Variants in KLHL7 observed in about 807,000 individuals in gnomAD.
The protein encoded by KLHL7 is kelch like family member 7.
Under a neutral mutation model 67.4 loss-of-function variants are expected in KLHL7, and 44 were observed. The observed-to-expected ratio is 0.65, with a 90% CI of 0.51 to 0.84. The LOEUF (loss-of-function observed/expected upper bound fraction) is 0.84. Among genes scored for constraint, KLHL7 ranks in the 40% least tolerant of loss-of-function variants. The pLI, the probability that KLHL7 is intolerant of heterozygous loss-of-function variation, is 0.00. For synonymous variants in KLHL7, 252 were observed against 243.3 expected, an observed-to-expected ratio of 1.04 and a Z score of -0.33; for missense variants, 362 against 718.1, an observed-to-expected ratio of 0.50 and a Z score of 5.67.
intron 8 of KLHL7, among the ~76,000 whole-genome samples, chr7:23,166,781 A>G (rs1188078924): frequency 1.3e-5 from 2 of 152,180 alleles, no homozygotes; most frequent in African/African-American, 4.8e-5. Flanking sequence ...TAAAGATGAT[A>G]GACGGTAACT....
At chr7:23,109,527 G>C (rs1414718104) in intron 1 of KLHL7, among the ~76,000 whole-genome samples, 1 of 152,202 alleles carries the variant, frequency 6.6e-6, no homozygotes, top group Non-Finnish European at 1.5e-5. Flanking sequence ...ACTGGAACTT[G>C]AAAGCTTATG....
rs1784555118 is a variant in KLHL7, at chr7:23,152,105, G to T, written c.832G>T (p.Glu278Ter). ...CCATCTACTGTCTCCAGAGGACCGAGAAGAACTTGTAGATGGCACAAGACC... is the reference window on the plus strand; with the variant it reads ...CCATCTACTGTCTCCAGAGGACCGATAAGAACTTGTAGATGGCACAAGACC... ...RYHLLSPEDR[E>*]ELVDGTRPRR... The change falls in exon 7 of 11, where the codon GAA becomes TAA. Residue 278 changes from glutamate (E) to a stop codon, truncating the protein, a stop_gained. Coordinates refer to ENST00000339077, the MANE Select transcript of KLHL7 (RefSeq NM_001031710.3). LOFTEE classifies it high-confidence loss of function. The T allele has an allele frequency of 6.2e-7, 1 of 1,613,820 alleles. No individual in the cohort carries two copies. Among genetic ancestry groups the T allele is most frequent in the Admixed American group, 1.7e-5 (1 of 60,004 alleles).
intron 4 of KLHL7, among the ~76,000 whole-genome samples, chr7:23,140,339 G>A (rs1467148453): frequency 6.6e-6 from 1 of 152,176 alleles, no homozygotes; most frequent in Non-Finnish European, 1.5e-5. Flanking sequence ...CGGATCACGA[G>A]GTCAGGAGAT....
In KLHL7 at chr7:23,118,944, C is replaced by T. The variant is rs1158152481; in HGVS notation, c.121-4833C>T. Among the ~76,000 whole-genome samples, 6 of 152,104 alleles carry T rather than the reference C, an allele frequency of 3.9e-5. No homozygotes were observed. In the South Asian group the frequency reaches 1.2e-3, roughly 32 times the overall value. On this transcript the variant is annotated intron_variant, in intron 1 of 10. Transcript: ENST00000339077. Reference sequence around the variant, plus strand: ...AAAATTAGCCAGGCATGGTGGTACACGCCTGTGGTCCCAGCTACTTGGGAC... The same window carrying T: ...AAAATTAGCCAGGCATGGTGGTACATGCCTGTGGTCCCAGCTACTTGGGAC...
At chr7:23,165,969 G>A (rs756815398) in intron 8 of KLHL7, 31 bp downstream of exon 8, 22 of 1,612,598 alleles carry the variant, frequency 1.4e-5, no homozygotes, top group African/African-American at 2.7e-5. Flanking sequence ...TTGGTTTGGG[G>A]CATATGCTTT....
At chr7:23,134,452 G>A (rs552194304) in intron 4 of KLHL7, among the ~76,000 whole-genome samples, 2 of 152,252 alleles carry the variant, frequency 1.3e-5, no homozygotes, top group South Asian at 2.1e-4. Flanking sequence ...TGGTATTAGG[G>A]TAATGCTGGC....
Position 23,175,762 on chromosome 7 carries a change from A to AC in KLHL7, c.*1466dup, listed in dbSNP as rs1205545226. Reference sequence around the variant, plus strand: ...GATCATTTGAGGTCAGCAGTTCAAGACCACCCTGGCCAACATGATGAGACC... The same window carrying AC: ...GATCATTTGAGGTCAGCAGTTCAAGACCCACCCTGGCCAACATGATGAGACC... On this transcript the variant is annotated 3_prime_UTR_variant, in exon 11 of 11. Coordinates refer to ENST00000339077, the MANE Select transcript of KLHL7 (RefSeq NM_001031710.3). 5.6e-6 allele frequency: 1 copy of AC among 179,076 alleles called. No individual in the cohort carries two copies. Among genetic ancestry groups the AC allele is most frequent in the Non-Finnish European group, 1.2e-5 (1 of 85,128 alleles). The allele number at this position is 179,076 out of a possible 1,614,324, so 11.1% of individuals were successfully genotyped here. A position where few individuals can be genotyped will look rare whatever the true frequency, so the allele number is the denominator to read the frequency against.
chr7:23,112,533 TAGG>T (rs1782918431), intron 1 of KLHL7, among the ~76,000 whole-genome samples: 1 of 152,148 alleles, frequency 6.6e-6, no homozygotes, highest in African/African-American at 2.4e-5. Context: ...ACCAGAAGAA[TAGG>T]AGAAAAATGA....
chr7:23,130,400 C>T (rs1783756109), intron 4 of KLHL7, among the ~76,000 whole-genome samples: 2 of 152,166 alleles, frequency 1.3e-5, no homozygotes, highest in Non-Finnish European at 2.9e-5. Context: ...GCTGCCTTTA[C>T]ACTAAGAAAT....
intron 4 of KLHL7, chr7:23,125,923 G>C (rs189703636): frequency 6.7e-6 from 9 of 1,345,366 alleles, no homozygotes; most frequent in Middle Eastern, 1.8e-4. Flanking sequence ...TGAAACTGCA[G>C]ATAGTACTGA....
intron 7 of KLHL7, 145 bp from the exon 8 acceptor site, chr7:23,165,553 T>C (rs1001490115): frequency 2.1e-6 from 2 of 960,190 alleles, no homozygotes; most frequent in Non-Finnish European, 3.1e-6. Flanking sequence ...CAAGATTAAA[T>C]TGGTAATAGT....
intron 4 of KLHL7, chr7:23,126,141 T>C: frequency 4.7e-6 from 2 of 421,854 alleles, no homozygotes; most frequent in Non-Finnish European, 8.8e-6. Flanking sequence ...GGTAGTCCAC[T>C]TCATAACCAG....
At chr7:23,129,061 CAAA>C (rs199549362) in intron 4 of KLHL7, 1 of 151,002 alleles carries the variant, frequency 6.6e-6, no homozygotes, top group Admixed American at 6.6e-5. Flanking sequence ...TTAACTTGAA[CAAA>C]AAAAAATAAA....
In KLHL7 at chr7:23,134,036, G is replaced by A. The variant is rs540774334; in HGVS notation, c.443-6733G>A. Among the ~76,000 whole-genome samples the A allele has an allele frequency of 2.6e-5, 4 of 152,312 alleles. No individual in the cohort carries two copies. In the South Asian group the frequency reaches 8.3e-4, roughly 32 times the overall value. ...CATCCTGGTTGTGTTCCAGATCTTAGAGGACAGGCTTTCAGTTTTTCCCCA... is the reference window on the plus strand; with the variant it reads ...CATCCTGGTTGTGTTCCAGATCTTAAAGGACAGGCTTTCAGTTTTTCCCCA... On this transcript the variant is annotated intron_variant, in intron 4 of 10. Transcript: ENST00000339077.
At chr7:23,113,013 A>G (rs948690073) in intron 1 of KLHL7, among the ~76,000 whole-genome samples, 2 of 152,178 alleles carry the variant, frequency 1.3e-5, no homozygotes, top group Admixed American at 1.3e-4. Flanking sequence ...TTAATCTCAG[A>G]CAGGGGTGGC....
chr7:23,176,054 C>T lies in KLHL7; in HGVS notation c.*1756C>T, dbSNP rs977818552. ...CACAATTTTAGAACATTTTCATCACCCCAAAAAGAAACCTTGTACTGATTA... is the reference window on the plus strand; with the variant it reads ...CACAATTTTAGAACATTTTCATCACTCCAAAAAGAAACCTTGTACTGATTA... On this transcript the variant is annotated 3_prime_UTR_variant, in exon 11 of 11. Transcript: ENST00000339077. 1.3e-5 allele frequency: 2 copies of T among 152,050 alleles called. No homozygotes were observed. The highest frequency in any genetic ancestry group is 1.3e-4 in the Admixed American group (2 of 15,248). The allele number at this position is 152,050 out of a possible 1,614,324, so 9.4% of individuals were successfully genotyped here.
chr7:23,131,524 T>G (rs1273354808), intron 4 of KLHL7, among the ~76,000 whole-genome samples: 1 of 152,144 alleles, frequency 6.6e-6, no homozygotes, highest in Non-Finnish European at 1.5e-5. Context: ...GGGTACATAG[T>G]TGGTATATTT....
chr7:23,145,786 A>G (rs1391696867), intron 6 of KLHL7, among the ~76,000 whole-genome samples: 2 of 152,220 alleles, frequency 1.3e-5, no homozygotes, highest in Non-Finnish European at 2.9e-5. Context: ...GCTGGAGTAC[A>G]GTGGTAAAAT....
At chr7:23,151,171 CT>C (rs1784524262) in intron 6 of KLHL7, among the ~76,000 whole-genome samples, 1 of 81,698 alleles carries the variant, frequency 1.2e-5, no homozygotes, top group Non-Finnish European at 2.5e-5. Flanking sequence ...TTTTTTTTTT[CT>C]TTTCTTTTTT....
Sources: allele counts gnomAD v4.1 joint callset (sites outside exome capture counted in the v4.1 genomes callset), GRCh38; gene constraint gnomAD v4.1.1; transcripts MANE v1.5; gene names NCBI Gene and HGNC (gene_info 2026-07-23, HGNC 2026-07-21).